The following LZTFL1 variants were observed in gnomAD, a reference collection of about 807,000 sequenced individuals.
LZTFL1 encodes leucine zipper transcription factor like 1.
A neutral mutation model predicts 45.9 loss-of-function variants in LZTFL1; 25 were observed. That is an observed-to-expected ratio of 0.54 (90% CI 0.40 to 0.76). LZTFL1 has a LOEUF of 0.76. Ranked by LOEUF, LZTFL1 falls within the 30% of genes least tolerant of loss-of-function variation. LZTFL1 has a pLI of 0.00. For synonymous variants in LZTFL1, 93 were observed against 117.4 expected, an observed-to-expected ratio of 0.79 and a Z score of 1.35; for missense variants, 277 against 331.1, an observed-to-expected ratio of 0.84 and a Z score of 1.27.
upstream of LZTFL1, among the ~76,000 whole-genome samples, chr3:45,846,530 T>G (rs1455198717): frequency 6.6e-6 from 1 of 152,222 alleles, no homozygotes; most frequent in Non-Finnish European, 1.5e-5. Context: ...TAGACTGCTG[T>G]TGACTGGAAG....
intron 2 of LZTFL1, among the ~76,000 whole-genome samples, chr3:45,877,610 T>C (rs1479920789): frequency 6.6e-6 from 1 of 152,194 alleles, no homozygotes; most frequent in East Asian, 1.9e-4. Flanking sequence ...TTTTGGTTTT[T>C]CTTTGGTAAA....
Position 45,826,206 on chromosome 3 carries a change from T to C in LZTFL1, c.*108A>G, listed in dbSNP as rs1290173841. On this transcript the variant is annotated 3_prime_UTR_variant, in exon 10 of 10. Transcript: ENST00000296135. ...TTCTAAATATTCAAAGTCTAAATAT[T>C]AGAAAAATAAGGAGAGGGGATATGA... The C allele has an allele frequency of 2.0e-5, 19 of 938,506 alleles. 1 individual carries two copies. The highest frequency in any genetic ancestry group is 2.2e-4 in the Middle Eastern group (1 of 4,574). 58.1% of individuals were successfully genotyped at this position (938,506 alleles called of 1,614,324 possible). A position where few individuals can be genotyped will look rare whatever the true frequency, so the allele number is the denominator to read the frequency against.
At chr3:45,855,723 A>C (rs1441070940) in intron 3 of LZTFL1, among the ~76,000 whole-genome samples, 1 of 152,224 alleles carries the variant, frequency 6.6e-6, no homozygotes, top group Non-Finnish European at 1.5e-5. Flanking sequence ...ATACAAAATC[A>C]ATGTGCAAAA....
chr3:45,873,566 C>A (rs1021150978), intron 2 of LZTFL1, among the ~76,000 whole-genome samples: 1 of 152,146 alleles, frequency 6.6e-6, no homozygotes, highest in Non-Finnish European at 1.5e-5. Context: ...TCTCATACAG[C>A]CTTTTGTTTT....
chr3:45,864,067 A>G (rs115072464), intron 2 of LZTFL1, among the ~76,000 whole-genome samples: 218 of 152,308 alleles, frequency 1.4e-3, no homozygotes, highest in Middle Eastern at 6.8e-3. Flanking sequence ...GCTGGACACT[A>G]TGTGGGAGAC....
intron 5 of LZTFL1, 173 bp downstream of exon 5, chr3:45,832,877 T>C: frequency 1.8e-6 from 1 of 557,304 alleles, no homozygotes; most frequent in Non-Finnish European, 3.2e-6. Flanking sequence ...TCAGGCTCTC[T>C]AGAAGGTTAA....
chr3:45,854,635 C>T (rs567732644), intron 4 of LZTFL1: 24 of 163,418 alleles, frequency 1.5e-4, no homozygotes, highest in African/African-American at 3.1e-4. Flanking sequence ...TATTTGCAGG[C>T]GCTTACAGGT....
intron 7 of LZTFL1, among the ~76,000 whole-genome samples, chr3:45,829,289 A>G (rs1700751130): frequency 6.6e-6 from 1 of 152,124 alleles, no homozygotes; most frequent in Non-Finnish European, 1.5e-5. Context: ...ATGGTCTACA[A>G]TTGGTTAATA....
At chr3:45,844,307 AAAAATCTGAGGGG>A (rs1701184403), upstream of LZTFL1, among the ~76,000 whole-genome samples, 1 of 152,166 alleles carries the variant, frequency 6.6e-6, no homozygotes, top group Non-Finnish European at 1.5e-5. Flanking sequence ...AGTCTGAGGA[AAAAATCTGAGGGG>A]AAAATCTGAG....
intron 9 of LZTFL1, chr3:45,826,991 G>A (rs942340583): frequency 1.0e-5 from 2 of 192,316 alleles, no homozygotes; most frequent in Non-Finnish European, 2.1e-5. Flanking sequence ...TCATTTAGGG[G>A]AACAGTAAGA....
At chr3:45,915,555 A>C in exon 1 of LZTFL1, 1 of 456,338 alleles carries the variant, frequency 2.2e-6, no homozygotes, top group Middle Eastern at 3.3e-4. Context: ...CTATGGACCC[A>C]CAGGCCCGAA....
At chr3:45,844,120 A>G (rs1701180349), upstream of LZTFL1, among the ~76,000 whole-genome samples, 1 of 152,210 alleles carries the variant, frequency 6.6e-6, no homozygotes, top group South Asian at 2.1e-4. Flanking sequence ...TTATGACTTT[A>G]TAAGTTCCCA....
chr3:45,893,979 T>C (rs1191163778), intron 2 of LZTFL1, among the ~76,000 whole-genome samples: 2 of 152,194 alleles, frequency 1.3e-5, no homozygotes, highest in African/African-American at 2.4e-5. Flanking sequence ...GTTGGCTTTA[T>C]AGGATTTATG....
Position 45,862,554 on chromosome 3 carries a change from C to G in LZTFL1, c.-214-3538G>C, listed in dbSNP as rs148976759. 3.3e-5 allele frequency among the ~76,000 whole-genome samples: 5 copies of G among 152,362 alleles called. No homozygotes were observed. In the East Asian group the frequency reaches 9.6e-4, roughly 29 times the overall value. Reference sequence around the variant, plus strand: ...TCTCTTCAGCACTTCTTCCACCAACCCTCGCGGGGAAACAGTGACTTACTG... The same window carrying G: ...TCTCTTCAGCACTTCTTCCACCAACGCTCGCGGGGAAACAGTGACTTACTG... On this transcript the variant is annotated intron_variant, in intron 2 of 4. Transcript: ENST00000472635.
chr3:45,887,823 G>C (rs938685276), intron 2 of LZTFL1, among the ~76,000 whole-genome samples: 3 of 152,234 alleles, frequency 2.0e-5, no homozygotes, highest in Non-Finnish European at 2.9e-5. Context: ...CATGGTGAGT[G>C]GATGGATCTG....
intron 2 of LZTFL1, among the ~76,000 whole-genome samples, chr3:45,872,016 G>T (rs1271044193): frequency 6.6e-6 from 1 of 152,214 alleles, no homozygotes; most frequent in Non-Finnish European, 1.5e-5. Context: ...TCGCTTACTG[G>T]TACTGACTGA....
intron 9 of LZTFL1, 93 bp downstream of exon 9, chr3:45,827,263 C>T: frequency 1.1e-6 from 1 of 949,358 alleles, no homozygotes; most frequent in Non-Finnish European, 1.7e-6. Context: ...GCAACTACCA[C>T]CGGCTTGACC....
At chr3:45,894,926 G>T in intron 2 of LZTFL1, 2 of 1,613,982 alleles carry the variant, frequency 1.2e-6, no homozygotes, top group Non-Finnish European at 1.7e-6. Context: ...GCATCTGACT[G>T]ACCCACCATG....
At chr3:45,862,550 C>T (rs1382313410) in intron 2 of LZTFL1, among the ~76,000 whole-genome samples, 3 of 152,242 alleles carry the variant, frequency 2.0e-5, no homozygotes, top group Non-Finnish European at 4.4e-5. Context: ...CTTCTTCCAC[C>T]AACCCTCGCG....
Sources: gnomAD v4.1 joint callset for allele counts (sites outside exome capture counted in the v4.1 genomes callset) on GRCh38, gnomAD v4.1.1 for gene constraint, MANE v1.5 for transcripts, NCBI Gene and HGNC (gene_info 2026-07-23, HGNC 2026-07-21) for gene names.